The following IQCM variants were observed in gnomAD, a reference collection of about 807,000 sequenced individuals.
IQCM encodes the protein IQ domain-containing protein M.
A neutral mutation model predicts 57.6 loss-of-function variants in IQCM; 45 were observed. That is an observed-to-expected ratio of 0.78 (90% CI 0.62 to 1.00). The LOEUF (loss-of-function observed/expected upper bound fraction) is 1.00, where lower values mean the gene tolerates loss of function less well. Ranked by LOEUF, IQCM falls within the 50% of genes least tolerant of loss-of-function variation. The pLI, the probability that IQCM is intolerant of heterozygous loss-of-function variation, is 0.00. For synonymous variants in IQCM, 148 were observed against 158.9 expected (o/e 0.93, Z 0.51); for missense variants, 468 against 511.6 (o/e 0.91, Z 0.82).
At chr4:149,453,466 T>C (rs926837226) in intron 12 of IQCM, among the ~76,000 whole-genome samples, 3 of 151,816 alleles carry the variant, frequency 2.0e-5, no homozygotes, top group Non-Finnish European at 2.9e-5. Context: ...TATCTGCAAA[T>C]CTTATTTGTG....
At chr4:149,535,368 A>G (rs1219022840) in intron 12 of IQCM, among the ~76,000 whole-genome samples, 1 of 152,044 alleles carries the variant, frequency 6.6e-6, no homozygotes, top group Non-Finnish European at 1.5e-5. Flanking sequence ...AGAGACTTGT[A>G]TGGCTAAGTT....
chr4:149,730,864 C>CT (rs1766394358), intron 5 of IQCM, among the ~76,000 whole-genome samples: 2 of 152,156 alleles, frequency 1.3e-5, no homozygotes, highest in African/African-American at 2.4e-5. Context: ...AGCAGCATAT[C>CT]TTTTGTCTCT....
chr4:149,592,482 TTGGC>T (rs1269330659), intron 8 of IQCM, among the ~76,000 whole-genome samples: 1 of 152,096 alleles, frequency 6.6e-6, no homozygotes, highest in Admixed American at 6.6e-5. Flanking sequence ...TTTGTCAATT[TTGGC>T]TTTTGTTGCC....
chr4:149,445,376 C>T (rs1024818229), intron 12 of IQCM, among the ~76,000 whole-genome samples: 3 of 151,792 alleles, frequency 2.0e-5, no homozygotes, highest in East Asian at 1.9e-4. Flanking sequence ...AAAACATATA[C>T]GTAGTTATTT....
intron 13 of IQCM, among the ~76,000 whole-genome samples, chr4:149,387,915 T>A (rs985744619): frequency 2.6e-5 from 4 of 152,058 alleles, no homozygotes; most frequent in Non-Finnish European, 2.9e-5. Context: ...ATTCTGAATA[T>A]CTCACATAAA....
intron 12 of IQCM, among the ~76,000 whole-genome samples, chr4:149,492,559 C>T (rs1742207327): frequency 6.6e-6 from 1 of 152,046 alleles, no homozygotes; most frequent in South Asian, 2.1e-4. Flanking sequence ...CTATAAGAGA[C>T]ATTTTGTAGC....
At chr4:149,755,507 A>G (rs1011688453) in intron 2 of IQCM, among the ~76,000 whole-genome samples, 1 of 152,088 alleles carries the variant, frequency 6.6e-6, no homozygotes, top group Non-Finnish European at 1.5e-5. Context: ...TTCTTTTGTC[A>G]GATTCACAAG....
chr4:149,542,650 T>G (rs1220893165), intron 12 of IQCM, among the ~76,000 whole-genome samples: 2 of 152,094 alleles, frequency 1.3e-5, no homozygotes, highest in Non-Finnish European at 2.9e-5. Flanking sequence ...CTGATGACAT[T>G]CAGTATAAAA....
intron 13 of IQCM, among the ~76,000 whole-genome samples, chr4:149,409,938 C>A (rs1029324329): frequency 1.3e-5 from 2 of 152,200 alleles, no homozygotes; most frequent in African/African-American, 4.8e-5. Flanking sequence ...GTAATCCCAG[C>A]ACTTTGGCAG....
chr4:149,767,733 G>A (rs929796440), intron 2 of IQCM, among the ~76,000 whole-genome samples: 4 of 151,954 alleles, frequency 2.6e-5, no homozygotes, highest in Non-Finnish European at 5.9e-5. Flanking sequence ...ATGGTTTGTT[G>A]AGCTGTGTTT....
chr4:149,769,530 C>A (rs1247284757), intron 2 of IQCM, among the ~76,000 whole-genome samples: 1 of 151,098 alleles, frequency 6.6e-6, no homozygotes, highest in African/African-American at 2.4e-5. Context: ...AACCTAGAGC[C>A]CCAAAATGTA....
chr4:149,591,995 A>G (rs2150010343), intron 8 of IQCM, among the ~76,000 whole-genome samples: 1 of 152,240 alleles, frequency 6.6e-6, no homozygotes, highest in African/African-American at 2.4e-5. Flanking sequence ...GTCAAATGGT[A>G]TTTCCAGTTC....
At chr4:149,734,963 T>C (rs1766799167) in intron 4 of IQCM, among the ~76,000 whole-genome samples, 1 of 152,146 alleles carries the variant, frequency 6.6e-6, no homozygotes, top group East Asian at 1.9e-4. Context: ...TGCAAAAAGA[T>C]ACATGGAATA....
chr4:149,360,523 G>T (rs1358409051), intron 13 of IQCM, among the ~76,000 whole-genome samples: 2 of 152,120 alleles, frequency 1.3e-5, no homozygotes, highest in Non-Finnish European at 2.9e-5. Context: ...AACTTGAATT[G>T]TAGTTCCCAG....
At chr4:149,407,794 G>T (rs1733090084) in intron 13 of IQCM, among the ~76,000 whole-genome samples, 1 of 152,074 alleles carries the variant, frequency 6.6e-6, no homozygotes, top group Admixed American at 6.6e-5. Context: ...GCTTTGCTAT[G>T]GTGACTAGTG....
intron 12 of IQCM, among the ~76,000 whole-genome samples, chr4:149,437,314 C>G (rs1233799811): frequency 3.9e-5 from 6 of 152,068 alleles, no homozygotes; most frequent in Non-Finnish European, 8.8e-5. Flanking sequence ...GCATATAGCT[C>G]TTTCCTGGAG....
At chr4:149,497,792 A>G (rs935931089) in intron 12 of IQCM, among the ~76,000 whole-genome samples, 1 of 151,468 alleles carries the variant, frequency 6.6e-6, no homozygotes, top group Non-Finnish European at 1.5e-5. Flanking sequence ...ACCCAAAAAG[A>G]ACCTATATAT....
chr4:149,728,651 C>T (rs1396493351), intron 5 of IQCM, among the ~76,000 whole-genome samples: 1 of 152,168 alleles, frequency 6.6e-6, no homozygotes, highest in Non-Finnish European at 1.5e-5. Context: ...TGCATCACTT[C>T]CAGCTATAAT....
At chr4:149,747,223 G>A (rs1046615466) in intron 2 of IQCM, among the ~76,000 whole-genome samples, 3 of 152,260 alleles carry the variant, frequency 2.0e-5, no homozygotes, top group East Asian at 3.9e-4. Context: ...GTTCCAATGA[G>A]GGCCAATATA....
Sources: gnomAD v4.1 joint callset for allele counts (sites outside exome capture counted in the v4.1 genomes callset) on GRCh38, gnomAD v4.1.1 for gene constraint, MANE v1.5 for transcripts, NCBI Gene and HGNC (gene_info 2026-07-23, HGNC 2026-07-21) for gene names.